Variants in CAST observed in about 807,000 individuals in gnomAD.
CAST encodes the protein MIR583 host.
In CAST, 76 loss-of-function variants were observed where a neutral mutation model predicts 119.6. The ratio of observed to expected loss-of-function variants is 0.64; its 90% CI spans 0.53 to 0.77. The LOEUF (loss-of-function observed/expected upper bound fraction) is 0.77. CAST is among the 30% of genes least tolerant of loss of function. The pLI is 0.00. For missense variants in CAST, 953 were observed against 946.5 expected, an observed-to-expected ratio of 1.01 and a Z score of -0.09; for synonymous variants, 319 against 331.6, an observed-to-expected ratio of 0.96 and a Z score of 0.41.
intron 1 of CAST, among the ~76,000 whole-genome samples, chr5:96,592,341 CA>C (rs1368919402): frequency 1.3e-5 from 2 of 151,618 alleles, no homozygotes; most frequent in African/African-American, 2.4e-5. Flanking sequence ...GTGGAGGTTG[CA>C]GTAAGCCGAG....
At chr5:96,668,518 G>T (rs1278847425) in intron 1 of CAST, among the ~76,000 whole-genome samples, 1 of 152,202 alleles carries the variant, frequency 6.6e-6, no homozygotes, top group Non-Finnish European at 1.5e-5. Context: ...AAAAAGAAGG[G>T]AGTGAAATAA....
At chr5:96,278,590 A>G in the CAST span, 1 of 152,330 alleles carries the variant, frequency 6.6e-6, no homozygotes, top group South Asian at 2.1e-4. Context: ...TATCCTAGGT[A>G]TGCTTAGAAA....
Position 96,747,401 on chromosome 5 carries a change from A to G in CAST, c.1332+9A>G. 6.4e-7 allele frequency: 1 copy of G among 1,555,816 alleles called. No individual in the cohort carries two copies. The highest frequency in any genetic ancestry group is 8.9e-7 in the Non-Finnish European group (1 of 1,127,874). ...CTGAAGAAAAACCCAAGGTTAGGAA[A>G]TACATTTTTTTCTGATACTTAAAGA... On this transcript the variant is annotated intron_variant, in intron 18 of 31. Transcript: ENST00000675179.
chr5:96,110,244 C>T, the CAST span, among the ~76,000 whole-genome samples: 7 of 152,078 alleles, frequency 4.6e-5, no homozygotes, highest in Non-Finnish European at 8.8e-5. Flanking sequence ...CAGGTTTTTT[C>T]TCTTGTTTTA....
At chr5:96,198,831 A>G in the CAST span, among the ~76,000 whole-genome samples, 1 of 152,034 alleles carries the variant, frequency 6.6e-6, no homozygotes, top group African/African-American at 2.4e-5. Context: ...AGTAAACTAC[A>G]TTTTTATGAC....
the CAST span, among the ~76,000 whole-genome samples, chr5:96,499,334 A>G: frequency 2.6e-5 from 4 of 152,246 alleles, no homozygotes; most frequent in African/African-American, 9.6e-5. Context: ...GCAAGTCACA[A>G]GAACTTTCGT....
the CAST span, among the ~76,000 whole-genome samples, chr5:96,326,366 T>C: frequency 2.0e-5 from 3 of 152,214 alleles, no homozygotes; most frequent in African/African-American, 4.8e-5. Flanking sequence ...TCCTAAACTT[T>C]AGCGATGTTG....
the CAST span, among the ~76,000 whole-genome samples, chr5:96,345,628 A>C: frequency 6.6e-6 from 1 of 152,156 alleles, no homozygotes; most frequent in Non-Finnish European, 1.5e-5. Context: ...TCAGGGTCTC[A>C]TGAAGCTGTA....
the CAST span, among the ~76,000 whole-genome samples, chr5:96,146,421 T>TG: frequency 1.3e-5 from 2 of 152,244 alleles, no homozygotes; most frequent in Admixed American, 1.3e-4. Context: ...TAGGACCCAC[T>TG]GCCAGAGTTT....
the CAST span, among the ~76,000 whole-genome samples, chr5:96,108,819 C>A: frequency 1.3e-5 from 2 of 152,278 alleles, no homozygotes; most frequent in African/African-American, 2.4e-5. Flanking sequence ...GCCCCTCCCC[C>A]AGCCTTGCTG....
intron 29 of CAST, chr5:96,768,404 G>C: frequency 2.2e-6 from 1 of 456,352 alleles, no homozygotes; most frequent in South Asian, 1.6e-5. Flanking sequence ...TTAAACTGTA[G>C]AATGAATCAA....
the CAST span, among the ~76,000 whole-genome samples, chr5:96,273,513 C>G: frequency 6.6e-6 from 1 of 152,264 alleles, no homozygotes; most frequent in East Asian, 1.9e-4. Flanking sequence ...AGATTTATGG[C>G]CTGTCGATGA....
the CAST span, chr5:96,399,918 G>T: frequency 1.4e-6 from 2 of 1,466,762 alleles, no homozygotes; most frequent in Non-Finnish European, 1.9e-6. Context: ...TATGCCATGG[G>T]CACACATGTG....
the CAST span, among the ~76,000 whole-genome samples, chr5:96,009,782 A>C: frequency 2.6e-5 from 4 of 152,152 alleles, no homozygotes; most frequent in Admixed American, 6.5e-5. Flanking sequence ...TGCTGTACAG[A>C]AGCTCTTTAG....
Position 96,754,131 on chromosome 5 carries a change from A to G in CAST, c.1596A>G (p.Glu532=). ...DSLGKKEADP[E]DGKPVMDKVK... is the part of the protein sequence containing the mutation. ...TGGGGAAAAAGGAAGCAGATCCAGA[A>G]GATGGAAAACCTGTGATGGATAAAG... The change falls in exon 21 of 32, where the codon GAA becomes GAG. Residue 532 remains glutamate (E), a synonymous_variant. Coordinates refer to ENST00000675179, the MANE Select transcript of CAST (RefSeq NM_001750.7). 6.2e-7 allele frequency: 1 copy of G among 1,613,118 alleles called. No individual in the cohort carries two copies. Among genetic ancestry groups the G allele is most frequent in the Non-Finnish European group, 8.5e-7 (1 of 1,179,042 alleles).
intron 1 of CAST, among the ~76,000 whole-genome samples, chr5:96,597,145 C>T (rs1366499479): frequency 6.6e-6 from 1 of 152,136 alleles, no homozygotes; most frequent in Non-Finnish European, 1.5e-5. Flanking sequence ...CTTTTAGGAT[C>T]CACGACCTCA....
At chr5:96,186,751 C>G in the CAST span, among the ~76,000 whole-genome samples, 1 of 152,122 alleles carries the variant, frequency 6.6e-6, no homozygotes, top group Non-Finnish European at 1.5e-5. Context: ...GTTTGGTTTG[C>G]CAGTATTCGT....
At chr5:96,682,297 C>CCCACATAT (rs1751520612) in intron 2 of CAST, among the ~76,000 whole-genome samples, 1 of 152,126 alleles carries the variant, frequency 6.6e-6, no homozygotes, top group South Asian at 2.1e-4. Flanking sequence ...AAGTTTGCCC[C>CCCACATAT]CCACATATTT....
In CAST at chr5:96,537,059, G is replaced by A. The variant is rs569215161; in HGVS notation, c.60+7179G>A. ...TATGGTCTTGGAGAAATACAAATACGACTAAAATATGGAGGCTGCTTCTAA... is the reference window on the plus strand; with the variant it reads ...TATGGTCTTGGAGAAATACAAATACAACTAAAATATGGAGGCTGCTTCTAA... On this transcript the variant is annotated intron_variant, in intron 1 of 11. Coordinates refer to the CAST transcript ENST00000505143. Among the ~76,000 whole-genome samples, 2 of 152,254 alleles carry A rather than the reference G, an allele frequency of 1.3e-5. 1 individual carries two copies. Among genetic ancestry groups the A allele is most frequent in the South Asian group, 4.1e-4 (2 of 4,828 alleles).
Sources: allele counts gnomAD v4.1 joint callset (sites outside exome capture counted in the v4.1 genomes callset), GRCh38; gene constraint gnomAD v4.1.1; transcripts MANE v1.5; gene names NCBI Gene and HGNC (gene_info 2026-07-23, HGNC 2026-07-21).